The following RERE variants were observed in gnomAD, a reference collection of about 807,000 sequenced individuals.
RERE encodes arginine-glutamic acid dipeptide repeats.
Under a neutral mutation model 146.1 loss-of-function variants are expected in RERE, and 40 were observed. That is an observed-to-expected ratio of 0.27 (90% CI 0.21 to 0.36). RERE has a LOEUF of 0.36. RERE is among the 10% of genes least tolerant of loss of function. The pLI is 1.00. For missense variants in RERE, 1,933 were observed against 2,138.7 expected (o/e 0.90, Z 1.90); for synonymous variants, 1,003 against 866.0 (o/e 1.16, Z -2.78).
At position 8,679,142 on chromosome 1, in the gene RERE, A is replaced by G. The variant is rs148501493; in HGVS notation, c.-144-22701T>C. Among the ~76,000 whole-genome samples, 3 of 152,318 alleles carry G rather than the reference A, an allele frequency of 2.0e-5. No homozygotes were observed. The East Asian group carries it at 5.8e-4, about 29-fold the overall frequency. ...ATCTAAAGCTAAATGTATGGTAAGT[A>G]CAAATATTAAGATTCTCATTTCCTC... On this transcript the variant is annotated intron_variant, in intron 1 of 22. Transcript: ENST00000400908.
intron 6 of RERE, among the ~76,000 whole-genome samples, chr1:8,547,226 CA>C (rs1458932266): frequency 3.3e-5 from 5 of 151,654 alleles, no homozygotes; most frequent in Admixed American, 6.6e-5. Context: ...AACAACAAAA[CA>C]AAAAAGCAAG....
intron 12 of RERE, among the ~76,000 whole-genome samples, chr1:8,377,381 C>G (rs2124400284): frequency 6.6e-6 from 1 of 152,134 alleles, no homozygotes; most frequent in South Asian, 2.1e-4. Context: ...AATGCTAATA[C>G]CAGAAAAATC....
At chr1:8,372,855 CCTTT>C (rs1487375679) in intron 12 of RERE, among the ~76,000 whole-genome samples, 4 of 152,166 alleles carry the variant, frequency 2.6e-5, no homozygotes, top group Admixed American at 6.5e-5. Flanking sequence ...AGCTGCAGCT[CCTTT>C]CTTTTTCACA....
intron 4 of RERE, among the ~76,000 whole-genome samples, chr1:8,577,224 A>T (rs1238556296): frequency 2.0e-5 from 3 of 151,062 alleles, no homozygotes; most frequent in African/African-American, 7.3e-5. Context: ...TTGTTTTTTT[A>T]AATTATATAA....
chr1:8,392,679 G>GC (rs1642923942), intron 12 of RERE, among the ~76,000 whole-genome samples: 1 of 152,136 alleles, frequency 6.6e-6, no homozygotes, highest in Non-Finnish European at 1.5e-5. Flanking sequence ...GGACGTGGAG[G>GC]CCCTCAAGAG....
intron 6 of RERE, among the ~76,000 whole-genome samples, chr1:8,554,858 T>C (rs1460897955): frequency 6.6e-6 from 1 of 151,510 alleles, no homozygotes; most frequent in East Asian, 1.9e-4. Context: ...TATTCCAGGA[T>C]TAAGTCACTG....
At chr1:8,778,707 G>A (rs1007225602) in intron 1 of RERE, among the ~76,000 whole-genome samples, 2 of 151,996 alleles carry the variant, frequency 1.3e-5, no homozygotes, top group African/African-American at 4.8e-5. Context: ...GTGGTGGCAT[G>A]TGCCTGTAGT....
chr1:8,779,131 G>A (rs1641120637), intron 1 of RERE, among the ~76,000 whole-genome samples: 1 of 151,736 alleles, frequency 6.6e-6, no homozygotes, highest in East Asian at 2.0e-4. Flanking sequence ...ACAGGCATGA[G>A]CCACCACGCC....
intron 12 of RERE, among the ~76,000 whole-genome samples, chr1:8,370,344 A>C (rs1641990031): frequency 6.6e-6 from 1 of 152,188 alleles, no homozygotes; most frequent in Admixed American, 6.5e-5. Flanking sequence ...GTGGGGGACA[A>C]GAAACTAAAA....
At chr1:8,575,972 T>C (rs1646289784) in intron 4 of RERE, among the ~76,000 whole-genome samples, 1 of 152,066 alleles carries the variant, frequency 6.6e-6, no homozygotes, top group Non-Finnish European at 1.5e-5. Flanking sequence ...TAAAGAAACA[T>C]AACTAAGTAT....
At chr1:8,530,874 G>C (rs1041047429) in intron 7 of RERE, among the ~76,000 whole-genome samples, 1 of 150,218 alleles carries the variant, frequency 6.7e-6, no homozygotes, top group Non-Finnish European at 1.5e-5. Context: ...TGTATTTTTA[G>C]TAGAGACGGG....
intron 1 of RERE, among the ~76,000 whole-genome samples, chr1:8,758,358 C>T (rs543957887): frequency 2.7e-5 from 4 of 150,904 alleles, no homozygotes; most frequent in East Asian, 3.9e-4. Flanking sequence ...TGGGAACACA[C>T]GTGTGAGCCA....
At chr1:8,474,252 G>C (rs2124158148) in intron 10 of RERE, among the ~76,000 whole-genome samples, 1 of 152,202 alleles carries the variant, frequency 6.6e-6, no homozygotes, top group South Asian at 2.1e-4. Flanking sequence ...AGCTACCATG[G>C]ATAAAAATCT....
intron 12 of RERE, among the ~76,000 whole-genome samples, chr1:8,419,411 AC>A (rs1352469472): frequency 1.1e-4 from 16 of 152,150 alleles, no homozygotes; most frequent in African/African-American, 3.6e-4. Context: ...CCCACCAGGA[AC>A]CCTTCTCTGC....
chr1:8,560,338 T>C (rs1455048987), intron 4 of RERE, among the ~76,000 whole-genome samples: 1 of 152,200 alleles, frequency 6.6e-6, no homozygotes, highest in African/African-American at 2.4e-5. Context: ...TCTCTAAACA[T>C]TGCTAAATCT....
chr1:8,687,872 A>G (rs1639125587), intron 1 of RERE, among the ~76,000 whole-genome samples: 1 of 152,234 alleles, frequency 6.6e-6, no homozygotes, highest in African/African-American at 2.4e-5. Context: ...TATTCACAGA[A>G]GTACAAATTT....
Position 8,361,825 on chromosome 1 carries a change from C to G in RERE, c.1954G>C (p.Glu652Gln). The change falls in exon 17 of 23, where the codon GAG (glutamate) becomes CAG (glutamine). Residue 652 changes from glutamate to glutamine, a missense_variant. By Grantham distance (29) the Glu-to-Gln change is conservative. Around this residue, in one of 11 missense-constraint regions of RERE, gnomAD observed 1,255 missense variants for 1,153.8 expected, o/e 1.09. Transcript: ENST00000400908. ...SPLKSNKRQREKVASDTEEAD... is the reference protein window; with the variant it reads ...SPLKSNKRQRQKVASDTEEAD... Reference sequence around the variant, plus strand: ...TCCTCCGTATCAGAGGCCACCTTCTCCCGCTGGCGTTTGTTACTCTTAAGA... The same window carrying G: ...TCCTCCGTATCAGAGGCCACCTTCTGCCGCTGGCGTTTGTTACTCTTAAGA... 1 of 1,614,116 alleles carries G rather than the reference C, an allele frequency of 6.2e-7. No individual in the cohort carries two copies. The highest frequency in any genetic ancestry group is 2.2e-5 in the East Asian group (1 of 44,890).
chr1:8,675,495 C>CAG (rs1396319120), intron 1 of RERE, among the ~76,000 whole-genome samples: 1 of 90,220 alleles, frequency 1.1e-5, no homozygotes, highest in Non-Finnish European at 2.1e-5. Context: ...CCCATCTCTA[C>CAG]AAAAAAAAAA....
intron 11 of RERE, among the ~76,000 whole-genome samples, chr1:8,427,997 T>C (rs967391630): frequency 6.6e-6 from 1 of 152,244 alleles, no homozygotes; most frequent in African/African-American, 2.4e-5. Flanking sequence ...TGCAAGTTCA[T>C]GGAGACAGTC....
Sources: gnomAD v4.1 joint callset for allele counts (sites outside exome capture counted in the v4.1 genomes callset) on GRCh38, gnomAD v4.1.1 for gene constraint, gnomAD v4.1.1 regional missense constraint, MANE v1.5 for transcripts, NCBI Gene and HGNC (gene_info 2026-07-23, HGNC 2026-07-21) for gene names.